PTH1R: variants seen among roughly 807,000 people sequenced by gnomAD.
PTH1R encodes parathyroid hormone 1 receptor, also known as parathyroid hormone/parathyroid hormone-related peptide receptor.
In PTH1R, 32 loss-of-function variants were observed where a neutral mutation model predicts 70.7. The ratio of observed to expected loss-of-function variants is 0.45; its 90% CI spans 0.34 to 0.61. PTH1R has a LOEUF of 0.61. Ranked by LOEUF, PTH1R falls within the 20% of genes least tolerant of loss-of-function variation. PTH1R has a pLI of 0.01. For synonymous variants in PTH1R, 329 were observed against 324.8 expected (o/e 1.01, Z -0.14); for missense variants, 626 against 792.5 (o/e 0.79, Z 2.52).
At chr3:46,885,685 T>A (rs1445278361) in intron 3 of PTH1R, among the ~76,000 whole-genome samples, 3 of 152,196 alleles carry the variant, frequency 2.0e-5, no homozygotes, top group African/African-American at 7.2e-5. Context: ...GTGAGTTCAC[T>A]GGACACTCCC....
chr3:46,897,853 A>C lies in PTH1R; in HGVS notation c.314-2A>C. 2.5e-6 allele frequency: 4 copies of C among 1,612,750 alleles called. No individual in the cohort carries two copies. Among genetic ancestry groups the C allele is most frequent in the Non-Finnish European group, 3.4e-6 (4 of 1,179,826 alleles). ...CCCTACCCTGTCTGTCTCTGGGCAC[A>C]GGGCGCCCCTGTCTGCCGGAATGGG... On this transcript the variant is annotated splice_acceptor_variant, in intron 5 of 15. Coordinates refer to ENST00000449590, the MANE Select transcript of PTH1R (RefSeq NM_000316.3). LOFTEE classifies it high-confidence loss of function.
At chr3:46,881,552 G>C (rs1244320275) in intron 2 of PTH1R, among the ~76,000 whole-genome samples, 3 of 152,138 alleles carry the variant, frequency 2.0e-5, no homozygotes, top group African/African-American at 7.2e-5. Context: ...GGAGAGGCCC[G>C]GCCAGCAGCT....
At chr3:46,897,133 G>A (rs958596317) in intron 5 of PTH1R, among the ~76,000 whole-genome samples, 4 of 152,204 alleles carry the variant, frequency 2.6e-5, no homozygotes, top group Non-Finnish European at 5.9e-5. Flanking sequence ...GTTAGTCTGG[G>A]TACTTGCCCT....
chr3:46,885,523 T>C (rs1327647785), intron 3 of PTH1R, among the ~76,000 whole-genome samples: 6 of 152,120 alleles, frequency 3.9e-5, no homozygotes, highest in Admixed American at 1.3e-4. Context: ...TGTGCCTCTA[T>C]GTGTGTGTGG....
Position 46,895,812 on chromosome 3 carries a change from A to G in PTH1R, c.256A>G (p.Lys86Glu). 1 of 1,614,112 alleles carries G rather than the reference A, an allele frequency of 6.2e-7. No individual in the cohort carries two copies. Among genetic ancestry groups the G allele is most frequent in the South Asian group, 1.1e-5 (1 of 91,072 alleles). Residue 86 changes from lysine to glutamate, a missense_variant, in exon 5 of 16, where the codon AAG becomes GAG. Around this residue, in one of 3 missense-constraint regions of PTH1R, gnomAD observed 123 missense variants for 125.7 expected, o/e 0.98. Transcript: ENST00000449590. The part of the protein sequence containing the change: ...GKPRKDKASG[K>E]LYPESEEDKE... ...GCCCAGGAAAGATAAGGCATCTGGG[A>G]AGCTCTACCCTGAGTCTGAGGAGGA...
chr3:46,901,315 C>A lies in PTH1R; in HGVS notation c.1050-99C>A. On this transcript the variant is annotated intron_variant, in intron 11 of 15. Transcript: ENST00000449590. This position sits in a 1 kb window ranked among gnomAD's most constrained non-coding sequence, Gnocchi z 7.3. ...ACACCCAGCACCCCTGCCCTGTGTCCTCAACAGCTAATGTCAGACCAGACC... is the reference window on the plus strand; with the variant it reads ...ACACCCAGCACCCCTGCCCTGTGTCATCAACAGCTAATGTCAGACCAGACC... 1 of 1,460,612 alleles carries A rather than the reference C, an allele frequency of 6.8e-7. No individual in the cohort carries two copies. Among genetic ancestry groups the A allele is most frequent in the Non-Finnish European group, 9.4e-7 (1 of 1,067,572 alleles). The allele number at this position is 1,460,612 out of a possible 1,614,324, so 90.5% of individuals were successfully genotyped here.
intron 8 of PTH1R, 74 bp from the exon 9 acceptor site, chr3:46,898,588 G>A (rs1457357905): frequency 1.2e-6 from 2 of 1,600,962 alleles, no homozygotes; most frequent in Non-Finnish European, 1.7e-6. Context: ...TACCTACGGC[G>A]CACAACCCAG....
chr3:46,884,466 G>A lies in PTH1R; in HGVS notation c.75+832G>A, dbSNP rs1230319022. On this transcript the variant is annotated intron_variant, in intron 3 of 15. Coordinates refer to ENST00000449590, the MANE Select transcript of PTH1R (RefSeq NM_000316.3). This position sits in a 1 kb window ranked among gnomAD's most constrained non-coding sequence, Gnocchi z 4.8. ...GGCAGAAAGCTGGAGACACAGAGTG[G>A]GCAGCACCTCCTCCTCCTGGGCCAG... is the stretch of plus-strand genomic sequence containing the variant. 6.6e-6 allele frequency among the ~76,000 whole-genome samples: 1 copy of A among 152,162 alleles called. No individual in the cohort carries two copies. Among genetic ancestry groups the A allele is most frequent in the Non-Finnish European group, 1.5e-5 (1 of 68,012 alleles).
chr3:46,900,893 A>G, intron 10 of PTH1R, 132 bp from the exon 11 acceptor site: 1 of 996,792 alleles, frequency 1.0e-6, no homozygotes, highest in Non-Finnish European at 1.5e-6. Flanking sequence ...TCTGTCACCA[A>G]GTGGACCAAG....
intron 3 of PTH1R, among the ~76,000 whole-genome samples, chr3:46,890,682 G>A (rs891286727): frequency 6.6e-6 from 1 of 151,914 alleles, no homozygotes; most frequent in Non-Finnish European, 1.5e-5. Flanking sequence ...GTATTTTTCA[G>A]TAGAGACAAG....
chr3:46,902,708 G>C lies in PTH1R; in HGVS notation c.1353+41G>C, dbSNP rs1334642116. The C allele has an allele frequency of 3.7e-6, 6 of 1,613,870 alleles. No individual in the cohort carries two copies. Among genetic ancestry groups the C allele is most frequent in the South Asian group, 1.1e-5 (1 of 91,074 alleles). On this transcript the variant is annotated intron_variant, in intron 14 of 15. Transcript: ENST00000449590. This position sits in a 1 kb window ranked among gnomAD's most constrained non-coding sequence, Gnocchi z 5.4. ...CCGGGCCTGGCTGAGGGTGGGAGGG[G>C]TTCCGGGGGCAGGCCTGATTCGAGA... is the stretch of plus-strand genomic sequence containing the variant.
chr3:46,895,665 G>A (rs1439938296), intron 4 of PTH1R, 70 bp from the exon 5 acceptor site: 1 of 1,611,964 alleles, frequency 6.2e-7, no homozygotes, highest in Non-Finnish European at 8.5e-7. Context: ...GGAGTCTGAG[G>A]CCAAAGAGTA....
At position 46,891,216 on chromosome 3, in the gene PTH1R, C is replaced by A. The variant is rs932105700; in HGVS notation, c.76-2691C>A. Reference sequence around the variant, plus strand: ...GCGTGCTGGAAGCACATATCTTTCCCTCTCCTGAACATCCCAACTCCAGAA... The same window carrying A: ...GCGTGCTGGAAGCACATATCTTTCCATCTCCTGAACATCCCAACTCCAGAA... On this transcript the variant is annotated intron_variant, in intron 3 of 15. Transcript: ENST00000449590. This position sits in a 1 kb window ranked among gnomAD's most constrained non-coding sequence, Gnocchi z 4.3. Among the ~76,000 whole-genome samples the A allele has an allele frequency of 1.3e-5, 2 of 152,270 alleles. No individual in the cohort carries two copies. The highest frequency in any genetic ancestry group is 2.9e-5 in the Non-Finnish European group (2 of 68,050).
At chr3:46,881,181 G>C (rs962831475) in intron 2 of PTH1R, 63 bp downstream of exon 2, 1 of 152,236 alleles carries the variant, frequency 6.6e-6, no homozygotes. Flanking sequence ...TCATGCATTC[G>C]CTTCCTCCGC....
rs1022954007 is a variant in PTH1R at position 46,901,251 on chromosome 3, C to A, written c.1050-163C>A. On this transcript the variant is annotated intron_variant, in intron 11 of 15. Transcript: ENST00000449590. This position sits in a 1 kb window ranked among gnomAD's most constrained non-coding sequence, Gnocchi z 7.3. ...GCACCCTCAGGGTCACAGGAGGCTACTTCCAAAGAGGCCTGTGAGGGAGGC... is the reference window on the plus strand; with the variant it reads ...GCACCCTCAGGGTCACAGGAGGCTAATTCCAAAGAGGCCTGTGAGGGAGGC... Among the ~76,000 whole-genome samples the A allele has an allele frequency of 1.3e-5, 2 of 152,198 alleles. No individual in the cohort carries two copies. The highest frequency in any genetic ancestry group is 1.3e-4 in the Admixed American group (2 of 15,284).
chr3:46,900,073 G>A lies in PTH1R; in HGVS notation c.988+617G>A, dbSNP rs143081049. Among the ~76,000 whole-genome samples, 575 of 152,322 alleles carry A rather than the reference G, an allele frequency of 3.8e-3. 6 individuals carry two copies. The highest frequency in any genetic ancestry group is 0.013 in the African/African-American group (556 of 41,574). On this transcript the variant is annotated intron_variant, in intron 10 of 15. Coordinates refer to ENST00000449590, the MANE Select transcript of PTH1R (RefSeq NM_000316.3). Reference sequence around the variant, plus strand: ...ATTATTGTTGGCAGCTGCAGAGCTTGGCTGGGCTCCGGGACAACTGGCCAG... The same window carrying A: ...ATTATTGTTGGCAGCTGCAGAGCTTAGCTGGGCTCCGGGACAACTGGCCAG...
chr3:46,893,787 C>A lies in PTH1R; in HGVS notation c.76-120C>A. On this transcript the variant is annotated intron_variant, in intron 3 of 15. Transcript: ENST00000449590. The surrounding 1 kb of genome is among the most constrained non-coding windows in gnomAD (Gnocchi z 5.2). Reference sequence around the variant, plus strand: ...TTCCCCACATGCAGGGGAAATCCCACCTTCCCTCTAGAGTCAGGGCCTTTT... The same window carrying A: ...TTCCCCACATGCAGGGGAAATCCCAACTTCCCTCTAGAGTCAGGGCCTTTT... 1.1e-6 allele frequency: 1 copy of A among 892,362 alleles called. No individual in the cohort carries two copies. The highest frequency in any genetic ancestry group is 1.8e-6 in the Non-Finnish European group (1 of 548,346). 55.3% of individuals were successfully genotyped at this position (892,362 alleles called of 1,614,324 possible).
chr3:46,896,589 C>T lies in PTH1R; in HGVS notation c.313+720C>T, dbSNP rs907696078. On this transcript the variant is annotated intron_variant, in intron 5 of 15. Transcript: ENST00000449590. The surrounding 1 kb of genome is among the most constrained non-coding windows in gnomAD (Gnocchi z 4.1). Reference sequence around the variant, plus strand: ...CTGGGGACCAGAGGGAATTGTGGGCCTGGCTGGGTGGGGCTGGGAATATGG... The same window carrying T: ...CTGGGGACCAGAGGGAATTGTGGGCTTGGCTGGGTGGGGCTGGGAATATGG... Among the ~76,000 whole-genome samples the T allele has an allele frequency of 6.6e-6, 1 of 152,180 alleles. No homozygotes were observed. The highest frequency in any genetic ancestry group is 2.4e-5 in the African/African-American group (1 of 41,438).
chr3:46,900,784 A>G (rs934031550), intron 10 of PTH1R, among the ~76,000 whole-genome samples: 7 of 152,192 alleles, frequency 4.6e-5, no homozygotes, highest in Non-Finnish European at 8.8e-5. Context: ...ATATATGTGC[A>G]TATGACATGG....
Sources: gnomAD v4.1 joint callset for allele counts (sites outside exome capture counted in the v4.1 genomes callset) on GRCh38, gnomAD v4.1.1 for gene constraint, gnomAD v4.1.1 regional missense constraint, Gnocchi (gnomAD v3.1) non-coding constraint, MANE v1.5 for transcripts, NCBI Gene and HGNC (gene_info 2026-07-23, HGNC 2026-07-21) for gene names.